The following CCDC9 variants were observed in gnomAD, a reference collection of about 807,000 sequenced individuals.
CCDC9 encodes the protein coiled-coil domain-containing protein 9.
In CCDC9, 52 loss-of-function variants were observed where a neutral mutation model predicts 65.6. That is an observed-to-expected ratio of 0.79 (90% CI 0.63 to 1.00). The LOEUF (loss-of-function observed/expected upper bound fraction) is 1.00. Ranked by LOEUF, CCDC9 falls within the 50% of genes least tolerant of loss-of-function variation. CCDC9 has a pLI of 0.00. For synonymous variants in CCDC9, 332 were observed against 280.3 expected (o/e 1.18, Z -1.84); for missense variants, 834 against 757.2 (o/e 1.10, Z -1.19).
At chr19:47,264,126 C>T (rs2059063885) in intron 5 of CCDC9, among the ~76,000 whole-genome samples, 1 of 152,102 alleles carries the variant, frequency 6.6e-6, no homozygotes, top group South Asian at 2.1e-4. Flanking sequence ...GGTGATCCAC[C>T]CACTTCGGCC....
At chr19:47,256,977 C>T (rs1568634532) in intron 1 of CCDC9, among the ~76,000 whole-genome samples, 1 of 148,350 alleles carries the variant, frequency 6.7e-6, no homozygotes, top group Non-Finnish European at 1.5e-5. Flanking sequence ...AGATTCTTGG[C>T]CGGGACGTTG....
rs771837859 is a variant in CCDC9 at position 47,271,516 on chromosome 19, G to A, written c.1434G>A (p.Leu478=). 11 of 1,612,692 alleles carry A rather than the reference G, an allele frequency of 6.8e-6. No individual in the cohort carries two copies. Among genetic ancestry groups the A allele is most frequent in the East Asian group, 2.2e-5 (1 of 44,832 alleles). ...CCTTCAGTCCGGAGGAGCCCCTGCT[G>A]GAGCCCCAGGCCCCTGGCACGCCTT... The part of the protein sequence containing the change: ...GVPFSPEEPL[L]EPQAPGTPSS... Residue 478 remains leucine (L), a synonymous_variant, in exon 12 of 12, where the codon CTG becomes CTA. Coordinates refer to ENST00000221922, the MANE Select transcript of CCDC9 (RefSeq NM_015603.3).
Position 47,260,399 on chromosome 19 carries a change from A to G in CCDC9, c.187A>G (p.Lys63Glu). The G allele has an allele frequency of 1.2e-6, 2 of 1,607,440 alleles. No homozygotes were observed. The highest frequency in any genetic ancestry group is 1.7e-6 in the Non-Finnish European group (2 of 1,177,034). Residue 63 changes from lysine (K) to glutamate (E), a missense_variant, in exon 4 of 12, where the codon AAG becomes GAG. Coordinates refer to ENST00000221922, the MANE Select transcript of CCDC9 (RefSeq NM_015603.3). Reference protein sequence around the residue: ...TAPRKGRSVEKENVAVESEKN... With the variant: ...TAPRKGRSVEEENVAVESEKN... ...TCCCCGAAAGGGCCGCTCAGTGGAGAAGGAGAACGTGGCAGTGGAGTCGGT... is the reference window on the plus strand; with the variant it reads ...TCCCCGAAAGGGCCGCTCAGTGGAGGAGGAGAACGTGGCAGTGGAGTCGGT...
At chr19:47,272,027 T>G, downstream of CCDC9, 1 of 1,236,302 alleles carries the variant, frequency 8.1e-7, no homozygotes, top group Non-Finnish European at 1.0e-6. Flanking sequence ...TGGGGAGATG[T>G]CAGGCGGGAA....
Position 47,271,793 on chromosome 19 carries a change from G to A in CCDC9, c.*115G>A. On this transcript the variant is annotated 3_prime_UTR_variant, in exon 12 of 12. Transcript: ENST00000221922. ...GTGTGGCTGGTGGGGGACCCTTGGG[G>A]CTGGGCCCTGGGACCCAGTGTGCCC... 3.4e-6 allele frequency: 5 copies of A among 1,457,702 alleles called. No individual in the cohort carries two copies. Among genetic ancestry groups the A allele is most frequent in the Non-Finnish European group, 4.5e-6 (5 of 1,110,870 alleles). The allele number at this position is 1,457,702 out of a possible 1,614,324, so 90.3% of individuals were successfully genotyped here.
chr19:47,260,434 ACTGGGGTGTGG>A lies in CCDC9; in HGVS notation c.210+13_210+23del. 1 of 1,609,774 alleles carries A rather than the reference ACTGGGGTGTGG, an allele frequency of 6.2e-7. No homozygotes were observed. Among genetic ancestry groups the A allele is most frequent in the Non-Finnish European group, 8.5e-7 (1 of 1,177,902 alleles). On this transcript the variant is annotated intron_variant, in intron 4 of 11. Coordinates refer to ENST00000221922, the MANE Select transcript of CCDC9 (RefSeq NM_015603.3). ...TGGCAGTGGAGTCGGTGAGCTCGTC[ACTGGGGTGTGG>A]GACCCTGAGGATGGGGAGGGGCAGA...
chr19:47,264,800 C>A lies in CCDC9; in HGVS notation c.574C>A (p.Arg192=). ...AGGGGTTCTTGAACCCAACCCAGTGCGGAACTTCCTGGACGACCCCCGGCG... is the reference window on the plus strand; with the variant it reads ...AGGGGTTCTTGAACCCAACCCAGTGAGGAACTTCCTGGACGACCCCCGGCG... The part of the protein sequence containing the change: ...REGVLEPNPV[R]NFLDDPRRRS... Residue 192 remains arginine, a synonymous_variant, in exon 7 of 12, where the codon CGG becomes AGG. Transcript: ENST00000221922. The A allele has an allele frequency of 6.3e-7, 1 of 1,588,238 alleles. No homozygotes were observed. Among genetic ancestry groups the A allele is most frequent in the South Asian group, 1.1e-5 (1 of 88,392 alleles).
chr19:47,268,418 G>A (rs1210846540), intron 8 of CCDC9, among the ~76,000 whole-genome samples: 1 of 152,152 alleles, frequency 6.6e-6, no homozygotes, highest in Non-Finnish European at 1.5e-5. Context: ...GATTTTGTCT[G>A]TTTGCCCAGT....
chr19:47,264,726 C>G, intron 6 of CCDC9, 40 bp downstream of exon 6: 1 of 1,603,358 alleles, frequency 6.2e-7, no homozygotes, highest in Non-Finnish European at 8.5e-7. Context: ...GCCGAGCTGC[C>G]TGGGCTGCGG....
chr19:47,258,305 GT>G, intron 1 of CCDC9, 24 bp from the exon 2 acceptor site: 1 of 1,383,538 alleles, frequency 7.2e-7, no homozygotes, highest in Non-Finnish European at 1.0e-6. Context: ...ATTGGCCTTT[GT>G]CCTTTTTTTC....
intron 5 of CCDC9, among the ~76,000 whole-genome samples, chr19:47,261,461 A>G (rs1454704711): frequency 2.0e-5 from 3 of 152,132 alleles, no homozygotes; most frequent in African/African-American, 7.2e-5. Context: ...CACCGTGGAC[A>G]TGGGTTGAAT....
chr19:47,275,051 C>T (rs1178696996), downstream of CCDC9: 24 of 1,492,940 alleles, frequency 1.6e-5, no homozygotes, highest in African/African-American at 2.9e-5. Context: ...CGCTAGCTGC[C>T]GTGCTGCTCG....
chr19:47,259,949 A>C (rs2059033895), intron 3 of CCDC9, among the ~76,000 whole-genome samples: 2 of 152,140 alleles, frequency 1.3e-5, no homozygotes, highest in African/African-American at 4.8e-5. Context: ...TCTCTGGGAA[A>C]AGTGTTCCTG....
At chr19:47,258,728 C>T (rs2059027102) in intron 3 of CCDC9, 65 bp downstream of exon 3, 2 of 1,238,840 alleles carry the variant, frequency 1.6e-6, no homozygotes, top group Non-Finnish European at 2.4e-6. Flanking sequence ...TTTCTCACCT[C>T]TCCCTTCCTT....
Position 47,271,440 on chromosome 19 carries a change from C to T in CCDC9, c.1358C>T (p.Pro453Leu). ...EEEPAQDHQA[P>L]EAAPTGIPCS... The stretch of plus-strand genomic sequence containing the variant: ...GAACCAGCCCAAGACCACCAAGCCC[C>T]AGAGGCTGCCCCCACCGGGATCCCC... Residue 453 changes from proline (P) to leucine (L), a missense_variant, in exon 12 of 12, where the codon CCA becomes CTA. Transcript: ENST00000221922. 3 of 1,613,944 alleles carry T rather than the reference C, an allele frequency of 1.9e-6. No homozygotes were observed. The highest frequency in any genetic ancestry group is 1.1e-5 in the South Asian group (1 of 91,072).
At position 47,271,428 on chromosome 19, in the gene CCDC9, A is replaced by C. The variant is rs1600292116; in HGVS notation, c.1346A>C (p.Asp449Ala). ...EEGDEEEPAQ[D>A]HQAPEAAPTG... ...GGTGATGAGGAGGAACCAGCCCAAG[A>C]CCACCAAGCCCCAGAGGCTGCCCCC... is the stretch of plus-strand genomic sequence containing the variant. Residue 449 changes from aspartate to alanine, a missense_variant, in exon 12 of 12, where the codon GAC becomes GCC. Asp to Ala is a moderately radical substitution (Grantham distance 126, BLOSUM62 -2). Coordinates refer to ENST00000221922, the MANE Select transcript of CCDC9 (RefSeq NM_015603.3). The C allele has an allele frequency of 6.2e-7, 1 of 1,613,894 alleles. No individual in the cohort carries two copies. Among genetic ancestry groups the C allele is most frequent in the Non-Finnish European group, 8.5e-7 (1 of 1,179,966 alleles).
chr19:47,261,711 C>CA (rs758107358), intron 5 of CCDC9, among the ~76,000 whole-genome samples: 17,026 of 49,860 alleles, frequency 0.34, 3,281 homozygotes, highest in East Asian at 0.62. Context: ...GACTCTGTAT[C>CA]AAAAAAAAAA....
Position 47,271,522 on chromosome 19 carries a change from C to G in CCDC9, c.1440C>G (p.Pro480=), listed in dbSNP as rs2059117671. 2 of 1,612,900 alleles carry G rather than the reference C, an allele frequency of 1.2e-6. No homozygotes were observed. The highest frequency in any genetic ancestry group is 1.7e-5 in the Admixed American group (1 of 59,984). ...GTCCGGAGGAGCCCCTGCTGGAGCC[C>G]CAGGCCCCTGGCACGCCTTCCAGCC... The part of the protein sequence containing the change: ...PFSPEEPLLE[P]QAPGTPSSPF... Residue 480 remains proline (P), a synonymous_variant, in exon 12 of 12, where the codon CCC becomes CCG. Coordinates refer to ENST00000221922, the MANE Select transcript of CCDC9 (RefSeq NM_015603.3).
chr19:47,263,749 A>G (rs1446591630), intron 5 of CCDC9, among the ~76,000 whole-genome samples: 1 of 151,340 alleles, frequency 6.6e-6, no homozygotes, highest in Non-Finnish European at 1.5e-5. Flanking sequence ...TATTTTTAGT[A>G]GAGACGGGGT....
Sources: allele counts gnomAD v4.1 joint callset (sites outside exome capture counted in the v4.1 genomes callset), GRCh38; gene constraint gnomAD v4.1.1; transcripts MANE v1.5; gene names NCBI Gene and HGNC (gene_info 2026-07-23, HGNC 2026-07-21).